The following SUSD5 variants were observed in gnomAD, a reference collection of about 807,000 sequenced individuals.
SUSD5 encodes the protein sushi domain containing 5, also known as sushi domain-containing protein 5.
Under a neutral mutation model 29.5 loss-of-function variants are expected in SUSD5, and 33 were observed. That is an observed-to-expected ratio of 1.12 (90% CI 0.85 to 1.49). The LOEUF (loss-of-function observed/expected upper bound fraction) is 1.49, where lower values mean the gene tolerates loss of function less well. Among genes scored for constraint, SUSD5 ranks in the 40% most tolerant of loss-of-function variants. The pLI is 0.00. For missense variants in SUSD5, 776 were observed against 800.6 expected, an observed-to-expected ratio of 0.97 and a Z score of 0.37; for synonymous variants, 308 against 325.3, an observed-to-expected ratio of 0.95 and a Z score of 0.57.
chr3:33,201,459 A>G (rs759081946), intron 3 of SUSD5, among the ~76,000 whole-genome samples: 1 of 152,200 alleles, frequency 6.6e-6, no homozygotes, highest in Non-Finnish European at 1.5e-5. Context: ...CATCCCAGAG[A>G]TATCTGCCTC....
At chr3:33,199,683 AATGTC>A (rs1328840788) in intron 3 of SUSD5, among the ~76,000 whole-genome samples, 13 of 152,324 alleles carry the variant, frequency 8.5e-5, no homozygotes, top group African/African-American at 2.9e-4. Flanking sequence ...CTATAGACTG[AATGTC>A]TGTGTCCTCC....
chr3:33,151,773 A>G lies in SUSD5; in HGVS notation c.*969T>C. The G allele has an allele frequency of 6.6e-6, 1 of 152,216 alleles. No homozygotes were observed. The highest frequency in any genetic ancestry group is 6.5e-5 in the Admixed American group (1 of 15,284). 9.4% of individuals were successfully genotyped at this position (152,216 alleles called of 1,614,324 possible). On this transcript the variant is annotated 3_prime_UTR_variant, in exon 5 of 5. Transcript: ENST00000309558. ...AAAAAATAATGGCAAATCCTTAACC[A>G]TGAAATATTGAAAATAAAATAAAAT...
intron 4 of SUSD5, among the ~76,000 whole-genome samples, chr3:33,169,852 G>C (rs887395207): frequency 2.0e-5 from 3 of 152,178 alleles, no homozygotes; most frequent in Admixed American, 1.3e-4. Context: ...CTGAGGGTAG[G>C]GGTGGGCCTT....
chr3:33,161,436 G>A (rs72859140), intron 4 of SUSD5, among the ~76,000 whole-genome samples: 43,297 of 150,834 alleles, frequency 0.29, 6,910 homozygotes, highest in East Asian at 0.51. Flanking sequence ...TAATTGCTTC[G>A]AAAGAAGGCA....
At chr3:33,190,684 CT>C (rs1263946337) in intron 3 of SUSD5, among the ~76,000 whole-genome samples, 7 of 152,184 alleles carry the variant, frequency 4.6e-5, no homozygotes, top group Admixed American at 4.6e-4. Context: ...TTACTTCAAA[CT>C]GAGGGCACTT....
chr3:33,155,673 G>C (rs998928505), intron 4 of SUSD5, among the ~76,000 whole-genome samples: 2 of 152,148 alleles, frequency 1.3e-5, no homozygotes, highest in Non-Finnish European at 2.9e-5. Context: ...ATCAGTTATG[G>C]TATACTCAAT....
At position 33,199,795 on chromosome 3, in the gene SUSD5, AC is replaced by A. The variant is rs2032074919; in HGVS notation, c.409+8012del. On this transcript the variant is annotated intron_variant, in intron 3 of 4. Coordinates refer to ENST00000309558, the MANE Select transcript of SUSD5 (RefSeq NM_015551.2). ...GGCCATGCTATGGTTCAAATGTTTG[AC>A]TCCTCCAAACTTCATGTTGAAATTT... 3.9e-5 allele frequency among the ~76,000 whole-genome samples: 6 copies of A among 152,018 alleles called. No individual in the cohort carries two copies. The South Asian group carries it at 1.2e-3, about 32-fold the overall frequency.
At chr3:33,184,849 A>T (rs1239241583) in intron 3 of SUSD5, among the ~76,000 whole-genome samples, 1 of 152,242 alleles carries the variant, frequency 6.6e-6, no homozygotes, top group Non-Finnish European at 1.5e-5. Context: ...TAGTTATCAT[A>T]GCATTTTAAA....
At chr3:33,205,326 G>A (rs1274993973) in intron 3 of SUSD5, among the ~76,000 whole-genome samples, 1 of 152,060 alleles carries the variant, frequency 6.6e-6, no homozygotes, top group Non-Finnish European at 1.5e-5. Flanking sequence ...TCTTAATCTA[G>A]AACAGTTGCT....
chr3:33,175,068 G>C lies in SUSD5; in HGVS notation c.416C>G (p.Pro139Arg). 1 of 1,613,976 alleles carries C rather than the reference G, an allele frequency of 6.2e-7. No homozygotes were observed. The highest frequency in any genetic ancestry group is 8.5e-7 in the Non-Finnish European group (1 of 1,179,868). Reference protein sequence around the residue: ...SALCIKDEEKPCGDPPSFPHT... With the variant: ...SALCIKDEEKRCGDPPSFPHT... ...TGGGAACGAAGGCGGGTCTCCACAC[G>C]GCTTCTCTGAGGAGAAGGAATCACA... Residue 139 changes from proline to arginine, a missense_variant, in exon 4 of 5, where the codon CCG becomes CGG. Transcript: ENST00000309558.
chr3:33,188,694 T>A (rs1021420314), intron 3 of SUSD5, among the ~76,000 whole-genome samples: 1 of 152,158 alleles, frequency 6.6e-6, no homozygotes, highest in Non-Finnish European at 1.5e-5. Flanking sequence ...AGAATTGGAA[T>A]AGAGATGGGC....
intron 3 of SUSD5, among the ~76,000 whole-genome samples, chr3:33,199,660 A>C (rs1207720885): frequency 6.6e-6 from 1 of 152,248 alleles, no homozygotes; most frequent in Non-Finnish European, 1.5e-5. Flanking sequence ...TTCATGTCAT[A>C]GCTGTCACTC....
At position 33,218,592 on chromosome 3, in the gene SUSD5, C is replaced by A. The variant is rs1005328674; in HGVS notation, c.112+94G>T. 112 of 1,121,176 alleles carry A rather than the reference C, an allele frequency of 1.0e-4. No homozygotes were observed. In the Admixed American group the frequency reaches 1.2e-3, roughly 12 times the overall value. 69.5% of individuals were successfully genotyped at this position (1,121,176 alleles called of 1,614,324 possible). On this transcript the variant is annotated intron_variant, in intron 1 of 4. Coordinates refer to ENST00000309558, the MANE Select transcript of SUSD5 (RefSeq NM_015551.2). ...TCTCAGGCTTGCGCTTGCCGCTTGCCGGGCCGGTCAGAGGGAGCAGCCCCG... is the reference window on the plus strand; with the variant it reads ...TCTCAGGCTTGCGCTTGCCGCTTGCAGGGCCGGTCAGAGGGAGCAGCCCCG...
rs1575524830 is a variant in SUSD5, at chr3:33,152,772, G to A, written c.1860C>T (p.Tyr620=). 9.3e-6 allele frequency: 15 copies of A among 1,612,842 alleles called. No homozygotes were observed. The highest frequency in any genetic ancestry group is 1.3e-5 in the Non-Finnish European group (15 of 1,179,298). Residue 620 remains tyrosine (Y), a synonymous_variant, in exon 5 of 5, where the codon TAC becomes TAT. Coordinates refer to ENST00000309558, the MANE Select transcript of SUSD5 (RefSeq NM_015551.2). ...CCTTCTCCATCTCGATCTGCTGGTG[G>A]TAGTGCCGAGCCTGCCGCTGGCCAA... ...LNVGQRQARH[Y]HQQIEMEKV
chr3:33,183,108 A>G (rs1042556237), intron 3 of SUSD5, among the ~76,000 whole-genome samples: 2 of 152,106 alleles, frequency 1.3e-5, no homozygotes, highest in East Asian at 1.9e-4. Context: ...TTTACTTTTT[A>G]TCTATATGTG....
chr3:33,187,589 G>A lies in SUSD5; in HGVS notation c.410-12515C>T, dbSNP rs540210945. Among the ~76,000 whole-genome samples, 8 of 151,748 alleles carry A rather than the reference G, an allele frequency of 5.3e-5. No individual in the cohort carries two copies. The South Asian group carries it at 1.7e-3, about 32-fold the overall frequency. ...ACAAGGGAGCTATGGAAAACAGCTG[G>A]CTATATACCTGGACCTTCTTCTCCT... On this transcript the variant is annotated intron_variant, in intron 3 of 4. Coordinates refer to ENST00000309558, the MANE Select transcript of SUSD5 (RefSeq NM_015551.2).
chr3:33,215,112 T>G (rs2032402576), intron 1 of SUSD5, among the ~76,000 whole-genome samples: 1 of 151,804 alleles, frequency 6.6e-6, no homozygotes, highest in Non-Finnish European at 1.5e-5. Context: ...AAAAAAAATT[T>G]TAAATAAACA....
chr3:33,157,018 C>CA (rs1355831678), intron 4 of SUSD5, among the ~76,000 whole-genome samples: 1 of 152,154 alleles, frequency 6.6e-6, no homozygotes, highest in Non-Finnish European at 1.5e-5. Flanking sequence ...AAACCTCACA[C>CA]AAAAAACATA....
chr3:33,171,941 C>T (rs1297015427), intron 4 of SUSD5, among the ~76,000 whole-genome samples: 1 of 152,122 alleles, frequency 6.6e-6, no homozygotes, highest in African/African-American at 2.4e-5. Context: ...ACCCAGTTTA[C>T]TAGAGTTTCC....
Sources: allele counts gnomAD v4.1 joint callset (sites outside exome capture counted in the v4.1 genomes callset), GRCh38; gene constraint gnomAD v4.1.1; transcripts MANE v1.5; gene names NCBI Gene and HGNC (gene_info 2026-07-23, HGNC 2026-07-21).